NLGN1: variants seen among roughly 807,000 people sequenced by gnomAD.
NLGN1 encodes neuroligin-1.
A neutral mutation model predicts 65.5 loss-of-function variants in NLGN1; 12 were observed. The observed-to-expected ratio is 0.18, with a 90% CI of 0.12 to 0.30. NLGN1 has a LOEUF of 0.30. NLGN1 is among the 10% of genes least tolerant of loss of function. The probability of loss-of-function intolerance (pLI) is 1.00; values close to 1 mark genes in which losing one functional copy is unlikely to be tolerated. For missense variants in NLGN1, 750 were observed against 1,007.1 expected, an observed-to-expected ratio of 0.74 and a Z score of 3.46; for synonymous variants, 350 against 359.5, an observed-to-expected ratio of 0.97 and a Z score of 0.30.
intron 3 of NLGN1, among the ~76,000 whole-genome samples, chr3:173,744,600 T>C (rs1775089145): frequency 6.6e-6 from 1 of 152,128 alleles, no homozygotes; most frequent in African/African-American, 2.4e-5. Context: ...AAGTAGGAGT[T>C]AAATAGGCAA....
chr3:174,282,715 T>C lies in NLGN1; in HGVS notation c.*1412T>C, dbSNP rs550384292. Reference sequence around the variant, plus strand: ...ATATGTAATCAGATGTACATTTATATTGAAAAACAAATGAGATGGACTTAA... The same window carrying C: ...ATATGTAATCAGATGTACATTTATACTGAAAAACAAATGAGATGGACTTAA... On this transcript the variant is annotated 3_prime_UTR_variant, in exon 7 of 7. Coordinates refer to ENST00000457714, the Ensembl canonical transcript of NLGN1. The C allele has an allele frequency of 5.3e-5, 8 of 152,324 alleles. No individual in the cohort carries two copies. The South Asian group carries it at 6.2e-4, about 12-fold the overall frequency. The allele number at this position is 152,324 out of a possible 1,614,324, so 9.4% of individuals were successfully genotyped here.
intron 3 of NLGN1, among the ~76,000 whole-genome samples, chr3:173,658,168 C>T (rs1394869470): frequency 6.6e-6 from 1 of 152,092 alleles, no homozygotes; most frequent in Non-Finnish European, 1.5e-5. Flanking sequence ...AAGTCCAAGG[C>T]ACCCCATATA....
At chr3:173,980,590 C>T (rs1336811029) in intron 4 of NLGN1, among the ~76,000 whole-genome samples, 2 of 151,844 alleles carry the variant, frequency 1.3e-5, no homozygotes, top group Admixed American at 6.6e-5. Context: ...GGATACATAC[C>T]TATGAGTGGG....
At chr3:174,071,960 A>G (rs1739979021) in intron 4 of NLGN1, among the ~76,000 whole-genome samples, 1 of 152,142 alleles carries the variant, frequency 6.6e-6, no homozygotes, top group Non-Finnish European at 1.5e-5. Flanking sequence ...GTTAGCATTG[A>G]GAATGTCTTT....
At chr3:173,740,816 T>A (rs193263055) in intron 3 of NLGN1, among the ~76,000 whole-genome samples, 2 of 152,088 alleles carry the variant, frequency 1.3e-5, no homozygotes, top group Non-Finnish European at 2.9e-5. Flanking sequence ...GATAAATTGT[T>A]CTCGAAAACT....
intron 4 of NLGN1, among the ~76,000 whole-genome samples, chr3:173,992,815 G>C (rs1721398330): frequency 6.6e-6 from 1 of 152,140 alleles, no homozygotes; most frequent in Non-Finnish European, 1.5e-5. Flanking sequence ...ATTTATTACA[G>C]ACTCTTATGC....
intron 2 of NLGN1, among the ~76,000 whole-genome samples, chr3:173,581,899 G>C (rs1746467546): frequency 6.6e-6 from 1 of 151,926 alleles, no homozygotes; most frequent in South Asian, 2.1e-4. Flanking sequence ...CTGAGAAATA[G>C]AGCACAGTAG....
intron 4 of NLGN1, among the ~76,000 whole-genome samples, chr3:174,011,494 G>A (rs1321445720): frequency 6.6e-6 from 1 of 152,112 alleles, no homozygotes; most frequent in African/African-American, 2.4e-5. Context: ...ATGCAAACAA[G>A]CTTTGAGGTT....
chr3:174,039,695 T>C (rs939540024), intron 4 of NLGN1, among the ~76,000 whole-genome samples: 4 of 151,988 alleles, frequency 2.6e-5, no homozygotes, highest in Non-Finnish European at 4.4e-5. Flanking sequence ...AAAGTGAAAA[T>C]AGCAATAGAG....
chr3:173,925,266 G>A (rs1742792988), intron 4 of NLGN1, among the ~76,000 whole-genome samples: 1 of 128,728 alleles, frequency 7.8e-6, no homozygotes, highest in African/African-American at 4.3e-5. Context: ...ATGAAAATAA[G>A]CCACTGAGGA....
intron 4 of NLGN1, among the ~76,000 whole-genome samples, chr3:174,033,578 A>G (rs545956567): frequency 1.1e-4 from 17 of 152,294 alleles, no homozygotes; most frequent in East Asian, 7.7e-4. Flanking sequence ...ACAACATGAA[A>G]AACAGGTAAC....
intron 2 of NLGN1, among the ~76,000 whole-genome samples, chr3:173,557,058 C>G (rs1415546406): frequency 6.6e-6 from 1 of 152,022 alleles, no homozygotes; most frequent in Non-Finnish European, 1.5e-5. Flanking sequence ...CTCATTCTAT[C>G]AGTCACTGAG....
At chr3:173,539,692 A>G (rs9834352) in intron 2 of NLGN1, among the ~76,000 whole-genome samples, 4,092 of 134,598 alleles carry the variant, frequency 0.03, 342 homozygotes, top group African/African-American at 0.12. Flanking sequence ...ACATATATGT[A>G]CATATGCACA....
intron 2 of NLGN1, among the ~76,000 whole-genome samples, chr3:173,450,962 T>G (rs1489596289): frequency 6.6e-6 from 1 of 152,222 alleles, no homozygotes; most frequent in East Asian, 1.9e-4. Context: ...TATCCATTCA[T>G]CTAATTTTTT....
At chr3:173,861,464 A>G (rs943051214) in intron 4 of NLGN1, among the ~76,000 whole-genome samples, 4 of 151,660 alleles carry the variant, frequency 2.6e-5, no homozygotes, top group African/African-American at 7.2e-5. Flanking sequence ...TACTTTTCAT[A>G]CTGATAAGTT....
At chr3:173,645,404 C>A (rs1206876849) in intron 3 of NLGN1, among the ~76,000 whole-genome samples, 1 of 152,220 alleles carries the variant, frequency 6.6e-6, no homozygotes, top group African/African-American at 2.4e-5. Flanking sequence ...CCATCTCTTG[C>A]AGGCTTTCCT....
intron 4 of NLGN1, among the ~76,000 whole-genome samples, chr3:173,823,441 T>C (rs982093): frequency 0.68 from 102,839 of 151,844 alleles, 35,543 homozygotes; most frequent in Non-Finnish European, 0.73. Context: ...ACCAGGGTAC[T>C]CTGAATTTTT....
intron 3 of NLGN1, among the ~76,000 whole-genome samples, chr3:173,615,100 A>G (rs968194643): frequency 2.0e-5 from 3 of 151,784 alleles, no homozygotes; most frequent in Admixed American, 1.3e-4. Context: ...GGGTGTTCTT[A>G]TAGGGGTAGA....
intron 4 of NLGN1, among the ~76,000 whole-genome samples, chr3:173,983,035 C>A (rs1444980701): frequency 6.6e-6 from 1 of 152,030 alleles, no homozygotes; most frequent in Non-Finnish European, 1.5e-5. Context: ...CATTCTTTTT[C>A]TCTCAAGGAA....
Sources: gnomAD v4.1 joint callset for allele counts (sites outside exome capture counted in the v4.1 genomes callset) on GRCh38, gnomAD v4.1.1 for gene constraint, MANE v1.5 for transcripts, NCBI Gene and HGNC (gene_info 2026-07-23, HGNC 2026-07-21) for gene names.